The following RANBP17 variants were observed in gnomAD, a reference collection of about 807,000 sequenced individuals.
The protein encoded by RANBP17 is RAN binding protein 17.
RANBP17 carries 158 observed loss-of-function variants against 141.2 expected under a neutral mutation model. The ratio of observed to expected loss-of-function variants is 1.12; its 90% confidence interval spans 0.98 to 1.28. The LOEUF (loss-of-function observed/expected upper bound fraction) is 1.28. Ranked by LOEUF, RANBP17 falls within the 50% of genes most tolerant of loss-of-function variation. The pLI is 0.00. For missense variants in RANBP17, 1,438 were observed against 1,290.7 expected (o/e 1.11, Z -1.75); for synonymous variants, 430 against 450.0 (o/e 0.96, Z 0.56).
intron 14 of RANBP17, among the ~76,000 whole-genome samples, chr5:171,067,031 A>G (rs2127685820): frequency 6.6e-6 from 1 of 152,308 alleles, no homozygotes; most frequent in African/African-American, 2.4e-5. Flanking sequence ...GTTATTATCA[A>G]TAATGAACCA....
intron 14 of RANBP17, among the ~76,000 whole-genome samples, chr5:170,983,612 T>C (rs552787189): frequency 1.3e-5 from 2 of 152,182 alleles, no homozygotes; most frequent in Non-Finnish European, 2.9e-5. Flanking sequence ...GAGTTGAAAA[T>C]GGGTTGACTT....
intron 13 of RANBP17, among the ~76,000 whole-genome samples, chr5:170,968,034 G>GA (rs897788545): frequency 2.0e-4 from 31 of 151,544 alleles, no homozygotes; most frequent in African/African-American, 6.5e-4. Flanking sequence ...TATGTCTTAG[G>GA]AAAAAAAGGC....
intron 5 of RANBP17, among the ~76,000 whole-genome samples, chr5:170,905,718 A>G (rs946578005): frequency 2.0e-5 from 3 of 152,130 alleles, no homozygotes; most frequent in Admixed American, 6.5e-5. Flanking sequence ...CTTCTAAAAA[A>G]GTACATTTAA....
At chr5:171,297,896 C>T (rs1768923412) in intron 27 of RANBP17, among the ~76,000 whole-genome samples, 1 of 112,528 alleles carries the variant, frequency 8.9e-6, no homozygotes, top group South Asian at 3.0e-4. Flanking sequence ...CGCTCTGTTT[C>T]CCAGGCTGGA....
intron 14 of RANBP17, among the ~76,000 whole-genome samples, chr5:171,093,781 G>A (rs1173869959): frequency 2.0e-5 from 3 of 152,034 alleles, no homozygotes; most frequent in Non-Finnish European, 4.4e-5. Flanking sequence ...TAGTGCTTTG[G>A]GCAATAGAGT....
At chr5:171,284,386 A>T (rs1011696371) in intron 25 of RANBP17, 2 of 152,102 alleles carry the variant, frequency 1.3e-5, no homozygotes, top group African/African-American at 2.4e-5. Flanking sequence ...GTGCAGTGGC[A>T]TGATCATGGC....
rs537869890 is a variant in RANBP17, at chr5:171,012,268, G to A, written c.1710+43891G>A. 1.2e-4 allele frequency among the ~76,000 whole-genome samples: 19 copies of A among 152,144 alleles called. No homozygotes were observed. In the South Asian group the frequency reaches 3.5e-3, roughly 28 times the overall value. On this transcript the variant is annotated intron_variant, in intron 14 of 27. Coordinates refer to ENST00000523189, the MANE Select transcript of RANBP17 (RefSeq NM_022897.5). ...AAAATGACGGAAACAGCAACCTTAA[G>A]TTCATATGGTTATCCTGGAGATACT...
At chr5:170,967,570 AG>A (rs1295352652) in intron 13 of RANBP17, among the ~76,000 whole-genome samples, 1 of 151,188 alleles carries the variant, frequency 6.6e-6, no homozygotes, top group Non-Finnish European at 1.5e-5. Flanking sequence ...CTTTTTCTGT[AG>A]GAAATTTAAC....
At chr5:171,233,759 C>G (rs901610369) in intron 22 of RANBP17, among the ~76,000 whole-genome samples, 1 of 152,116 alleles carries the variant, frequency 6.6e-6, no homozygotes, top group Non-Finnish European at 1.5e-5. Flanking sequence ...GATGAATAGG[C>G]AGAGCAGAGG....
intron 14 of RANBP17, among the ~76,000 whole-genome samples, chr5:171,110,085 A>G (rs1225787612): frequency 6.6e-6 from 1 of 151,840 alleles, no homozygotes; most frequent in Non-Finnish European, 1.5e-5. Flanking sequence ...ATATTTTATC[A>G]TATAAAATTT....
At chr5:170,920,436 T>G (rs191934111) in intron 11 of RANBP17, among the ~76,000 whole-genome samples, 28 of 152,270 alleles carry the variant, frequency 1.8e-4, no homozygotes, top group Admixed American at 1.6e-3. Context: ...ATGCACTTAT[T>G]TACCATCTGT....
chr5:171,267,423 C>CAA (rs1561815014), intron 25 of RANBP17, among the ~76,000 whole-genome samples: 2 of 152,078 alleles, frequency 1.3e-5, no homozygotes. Context: ...TGCCAAATTA[C>CAA]ATCCATAATA....
chr5:171,071,942 A>G (rs1784658837), intron 14 of RANBP17, among the ~76,000 whole-genome samples: 1 of 152,144 alleles, frequency 6.6e-6, no homozygotes, highest in African/African-American at 2.4e-5. Context: ...AACAAGAATG[A>G]AAAGTCAAGT....
rs1019235639 is a variant in RANBP17, at chr5:171,075,767, C to T, written c.1711-94363C>T. On this transcript the variant is annotated intron_variant, in intron 14 of 27. Coordinates refer to ENST00000523189, the MANE Select transcript of RANBP17 (RefSeq NM_022897.5). ...CAGCAGTTTGAGACCAGACTGGCCA[C>T]GATGGCGAAACCCTGTCTCTGCTAA... 1.1e-4 allele frequency among the ~76,000 whole-genome samples: 16 copies of T among 151,960 alleles called. No individual in the cohort carries two copies. The East Asian group carries it at 2.3e-3, about 22-fold the overall frequency.
At chr5:171,223,605 A>G (rs1457738072) in intron 22 of RANBP17, among the ~76,000 whole-genome samples, 1 of 152,216 alleles carries the variant, frequency 6.6e-6, no homozygotes, top group African/African-American at 2.4e-5. Context: ...ATTGCACTCC[A>G]GCCTGGGCAA....
chr5:171,080,452 T>A (rs1785198856), intron 14 of RANBP17, among the ~76,000 whole-genome samples: 1 of 152,218 alleles, frequency 6.6e-6, no homozygotes, highest in Non-Finnish European at 1.5e-5. Flanking sequence ...CATGTCTGAC[T>A]TCTTGTTTGG....
intron 5 of RANBP17, among the ~76,000 whole-genome samples, chr5:170,903,038 T>TC (rs1770777297): frequency 6.6e-6 from 1 of 152,062 alleles, no homozygotes; most frequent in Non-Finnish European, 1.5e-5. Context: ...TGCTGGGAGA[T>TC]CCCCTGCTCT....
intron 13 of RANBP17, among the ~76,000 whole-genome samples, chr5:170,958,586 T>C (rs375417983): frequency 1.2e-4 from 18 of 152,290 alleles, no homozygotes; most frequent in African/African-American, 4.1e-4. Flanking sequence ...ATCACTTTCA[T>C]ATGAAGATGT....
chr5:170,892,392 T>C lies in RANBP17; in HGVS notation c.262T>C (p.Tyr88His), dbSNP rs1289824503. The change falls in exon 4 of 28, where the codon TAC (tyrosine) becomes CAC (histidine). Residue 88 changes from tyrosine to histidine, a missense_variant. By Grantham distance (83) the Tyr-to-His change is moderately conservative (BLOSUM62 2). Transcript: ENST00000523189. Reference protein sequence around the residue: ...PVEQRMDIRNYILNYVASQPK... With the variant: ...PVEQRMDIRNHILNYVASQPK... ...ATGGAGTGTTTTCTTTGTAGGAAAC[T>C]ACATTCTGAATTACGTGGCATCACA... 2 of 1,483,742 alleles carry C rather than the reference T, an allele frequency of 1.3e-6. No homozygotes were observed. Among genetic ancestry groups the C allele is most frequent in the African/African-American group, 2.8e-5 (2 of 70,292 alleles). The allele number at this position is 1,483,742 out of a possible 1,614,324, so 91.9% of individuals were successfully genotyped here.
Sources: allele counts gnomAD v4.1 joint callset (sites outside exome capture counted in the v4.1 genomes callset), GRCh38; gene constraint gnomAD v4.1.1; transcripts MANE v1.5; gene names NCBI Gene and HGNC (gene_info 2026-07-23, HGNC 2026-07-21).